Variants in RIF1 observed in about 807,000 individuals in gnomAD.
RIF1 encodes telomere-associated protein RIF1.
RIF1 carries 45 observed loss-of-function variants against 247.1 expected under a neutral mutation model. The ratio of observed to expected loss-of-function variants is 0.18; its 90% CI spans 0.14 to 0.23. RIF1 has a LOEUF of 0.23. Among genes scored for constraint, RIF1 ranks in the 10% least tolerant of loss-of-function variants. RIF1 has a pLI of 1.00. For missense variants in RIF1, 2,967 were observed against 2,862.5 expected, an observed-to-expected ratio of 1.04 and a Z score of -0.83; for synonymous variants, 1,087 against 978.8, an observed-to-expected ratio of 1.11 and a Z score of -2.06.
At chr2:151,414,743 G>A in intron 3 of RIF1, 80 bp from the exon 4 acceptor site, 1 of 899,178 alleles carries the variant, frequency 1.1e-6, no homozygotes, top group Non-Finnish European at 1.8e-6. Context: ...GAATATGCTT[G>A]TTCTGTAATC....
chr2:151,522,861 G>A, the RIF1 span, among the ~76,000 whole-genome samples: 1 of 152,306 alleles, frequency 6.6e-6, no homozygotes, highest in East Asian at 1.9e-4. Context: ...AGACAGCAAA[G>A]TCAGAACAGG....
At chr2:151,452,678 A>G (rs1423401319) in intron 21 of RIF1, among the ~76,000 whole-genome samples, 2 of 152,212 alleles carry the variant, frequency 1.3e-5, no homozygotes, top group African/African-American at 4.8e-5. Context: ...ACCTAATATG[A>G]TTACCTCAGT....
chr2:151,471,668 C>T (rs4664049), intron 34 of RIF1, among the ~76,000 whole-genome samples: 133,740 of 152,120 alleles, frequency 0.88, 59,421 homozygotes, highest in East Asian at 0.98. Flanking sequence ...TTGTCAAAGA[C>T]CAGATGGTTG....
rs2048961800 is a variant in RIF1, at chr2:151,477,015, T to C, written c.*1944T>C. On this transcript the variant is annotated 3_prime_UTR_variant, in exon 36 of 36. Transcript: ENST00000444746. ...AGAAAATGTGACCAAATGAGTATCA[T>C]GTACTTAAATCACTGAATTTTATAT... The C allele has an allele frequency of 6.6e-6, 1 of 152,232 alleles. No homozygotes were observed. Among genetic ancestry groups the C allele is most frequent in the Admixed American group, 6.5e-5 (1 of 15,284 alleles). The allele number at this position is 152,232 out of a possible 1,614,324, so 9.4% of individuals were successfully genotyped here. A position where few individuals can be genotyped will look rare whatever the true frequency, so the allele number is the denominator to read the frequency against.
intron 21 of RIF1, among the ~76,000 whole-genome samples, chr2:151,453,216 A>C (rs974220048): frequency 6.6e-6 from 1 of 151,778 alleles, no homozygotes; most frequent in African/African-American, 2.4e-5. Flanking sequence ...GAACCATTTT[A>C]AGGTATAGTT....
At chr2:151,521,933 T>C in the RIF1 span, among the ~76,000 whole-genome samples, 1 of 152,168 alleles carries the variant, frequency 6.6e-6, no homozygotes, top group Non-Finnish European at 1.5e-5. Flanking sequence ...TTTAGGACTC[T>C]AGGAATTCTT....
At chr2:151,504,961 A>G (rs1226532962) in intron 12 of RIF1, among the ~76,000 whole-genome samples, 4 of 152,112 alleles carry the variant, frequency 2.6e-5, no homozygotes, top group Non-Finnish European at 5.9e-5. Flanking sequence ...ACAGGAGAAG[A>G]AACCTTGAAA....
At chr2:151,440,525 C>G (rs1485706283) in intron 15 of RIF1, among the ~76,000 whole-genome samples, 1 of 151,760 alleles carries the variant, frequency 6.6e-6, no homozygotes, top group Non-Finnish European at 1.5e-5. Flanking sequence ...TATTAAAACC[C>G]CTTTTTTTTT....
intron 12 of RIF1, chr2:151,505,912 C>A: frequency 1.8e-6 from 1 of 561,516 alleles, no homozygotes; most frequent in South Asian, 2.2e-5. Context: ...AAGGTTGGTT[C>A]TTTGACTGTA....
intron 12 of RIF1, chr2:151,503,198 G>A: frequency 1.6e-6 from 1 of 624,550 alleles, no homozygotes; most frequent in Non-Finnish European, 2.8e-6. Context: ...GAGTCATTTT[G>A]TATTAACATA....
intron 13 of RIF1, among the ~76,000 whole-genome samples, chr2:151,437,942 T>C (rs1021983582): frequency 2.0e-5 from 3 of 152,152 alleles, no homozygotes; most frequent in African/African-American, 7.2e-5. Flanking sequence ...ACATGGCCTA[T>C]CAAATAATGA....
chr2:151,420,646 A>T (rs1214549559), intron 7 of RIF1, among the ~76,000 whole-genome samples: 1 of 147,912 alleles, frequency 6.8e-6, no homozygotes, highest in Non-Finnish European at 1.5e-5. Context: ...CTAAGGCGGG[A>T]GGGTTGCTTG....
chr2:151,507,408 C>T (rs1257520735), intron 13 of RIF1, among the ~76,000 whole-genome samples: 1 of 152,178 alleles, frequency 6.6e-6, no homozygotes, highest in Non-Finnish European at 1.5e-5. Flanking sequence ...TTTTTCTGGC[C>T]TTCTCTGTTT....
At chr2:151,461,040 A>G in intron 26 of RIF1, 98 bp from the exon 27 acceptor site, 2 of 1,096,784 alleles carry the variant, frequency 1.8e-6, no homozygotes. Context: ...CATAATCACT[A>G]TTGAAAAATG....
intron 9 of RIF1, chr2:151,494,907 C>G (rs999938407): frequency 6.5e-6 from 1 of 153,268 alleles, no homozygotes; most frequent in African/African-American, 2.4e-5. Flanking sequence ...CTTGGCCTCC[C>G]AAAGTGCTGG....
In RIF1 at chr2:151,480,202, A is replaced by G. The variant is rs1045352599; in HGVS notation, c.*5131A>G. The stretch of plus-strand genomic sequence containing the variant: ...TCATCTTACCTAAAAAATTGAAGAC[A>G]ATATTTTCCATTGTTGATGTCACAA... On this transcript the variant is annotated 3_prime_UTR_variant, in exon 36 of 36. Transcript: ENST00000444746. 6 of 152,196 alleles carry G rather than the reference A, an allele frequency of 3.9e-5. No homozygotes were observed. Among genetic ancestry groups the G allele is most frequent in the African/African-American group, 1.4e-4 (6 of 41,450 alleles). 9.4% of individuals were successfully genotyped at this position (152,196 alleles called of 1,614,324 possible).
the RIF1 span, chr2:151,526,994 A>G: frequency 6.2e-7 from 1 of 1,602,190 alleles, no homozygotes; most frequent in Non-Finnish European, 8.5e-7. Flanking sequence ...GCAACCCTTG[A>G]GGAACTCCCG....
At chr2:151,507,363 C>A (rs1575487083) in intron 13 of RIF1, among the ~76,000 whole-genome samples, 3 of 152,300 alleles carry the variant, frequency 2.0e-5, no homozygotes, top group Non-Finnish European at 1.5e-5. Context: ...AATAATGGCA[C>A]CTTGGCATTT....
downstream of RIF1, chr2:151,486,185 C>A: frequency 2.3e-6 from 1 of 436,978 alleles, no homozygotes; most frequent in Non-Finnish European, 4.1e-6. Flanking sequence ...CCAAAAGAGG[C>A]AAAGGATATG....
Sources: gnomAD v4.1 joint callset for allele counts (sites outside exome capture counted in the v4.1 genomes callset) on GRCh38, gnomAD v4.1.1 for gene constraint, MANE v1.5 for transcripts, NCBI Gene and HGNC (gene_info 2026-07-23, HGNC 2026-07-21) for gene names.